Variants in KCNIP4 observed in about 807,000 individuals in gnomAD.
KCNIP4 encodes the protein Kv channel-interacting protein 4.
A neutral mutation model predicts 34.0 loss-of-function variants in KCNIP4; 12 were observed. The ratio of observed to expected loss-of-function variants is 0.35; its 90% confidence interval spans 0.23 to 0.57. KCNIP4 has a LOEUF of 0.57. Among genes scored for constraint, KCNIP4 ranks in the 20% least tolerant of loss-of-function variants. KCNIP4 has a pLI of 0.83. For synonymous variants in KCNIP4, 124 were observed against 102.2 expected (o/e 1.21, Z -1.29); for missense variants, 238 against 311.7 (o/e 0.76, Z 1.78).
rs150026278 is a variant in KCNIP4, at chr4:20,880,628, G to A, written c.163+1980C>T. On this transcript the variant is annotated intron_variant, in intron 2 of 8. Coordinates refer to ENST00000382152, the MANE Select transcript of KCNIP4 (RefSeq NM_025221.6). ...ACATGACAATTTTCTACTTCTCTAC[G>A]TGAATACAGAGATCCATTTGAAAGT... Among the ~76,000 whole-genome samples the A allele has an allele frequency of 1.3e-3, 204 of 152,178 alleles. 1 individual carries two copies. Among genetic ancestry groups the A allele is most frequent in the African/African-American group, 4.5e-3 (188 of 41,532 alleles).
chr4:21,016,529 T>A (rs1201723209), intron 1 of KCNIP4, among the ~76,000 whole-genome samples: 1 of 152,144 alleles, frequency 6.6e-6, no homozygotes, highest in African/African-American at 2.4e-5. Context: ...TCTCCTGACC[T>A]CGTGATCTGC....
intron 3 of KCNIP4, among the ~76,000 whole-genome samples, chr4:20,813,139 T>C (rs1166506365): frequency 6.6e-6 from 1 of 152,110 alleles, no homozygotes; most frequent in African/African-American, 2.4e-5. Flanking sequence ...GGTTGGGATG[T>C]GTGGAAAATA....
At position 21,190,029 on chromosome 4, in the gene KCNIP4, T is replaced by C. The variant is rs371789695; in HGVS notation, c.62-307320A>G. On this transcript the variant is annotated intron_variant, in intron 1 of 8. Coordinates refer to ENST00000382152, the MANE Select transcript of KCNIP4 (RefSeq NM_025221.6). ...TCTTTGTGAAGAAACAGGGTTTTTT[T>C]CAGAAATATGAGACTAGAGACCCAA... Among the ~76,000 whole-genome samples the C allele has an allele frequency of 4.6e-5, 7 of 152,196 alleles. No homozygotes were observed. The East Asian group carries it at 9.6e-4, about 21-fold the overall frequency.
chr4:21,720,521 G>GT (rs1167125424), intron 1 of KCNIP4, among the ~76,000 whole-genome samples: 1 of 111,032 alleles, frequency 9.0e-6, no homozygotes, highest in South Asian at 3.6e-4. Flanking sequence ...CCCCCATTCT[G>GT]TTTTTTTTCT....
chr4:21,590,969 A>G (rs534513684), intron 1 of KCNIP4, among the ~76,000 whole-genome samples: 1 of 152,174 alleles, frequency 6.6e-6, no homozygotes, highest in East Asian at 1.9e-4. Flanking sequence ...ATTAATACTT[A>G]GAAATGGGTA....
chr4:21,533,819 A>C (rs527486120), intron 1 of KCNIP4, among the ~76,000 whole-genome samples: 1 of 152,176 alleles, frequency 6.6e-6, no homozygotes, highest in Non-Finnish European at 1.5e-5. Flanking sequence ...GGAAGTTACA[A>C]GAAAGTAAAA....
At chr4:21,457,338 C>G (rs1729039691) in intron 1 of KCNIP4, among the ~76,000 whole-genome samples, 1 of 151,938 alleles carries the variant, frequency 6.6e-6, no homozygotes, top group Admixed American at 6.6e-5. Flanking sequence ...ACCTTCCTGC[C>G]AGGTTTAATG....
At chr4:20,838,540 T>G (rs10938808) in intron 3 of KCNIP4, among the ~76,000 whole-genome samples, 2 of 152,040 alleles carry the variant, frequency 1.3e-5, no homozygotes, top group Non-Finnish European at 2.9e-5. Flanking sequence ...TGACTAAGTT[T>G]GAGCCCTTAA....
At chr4:21,087,146 A>ATGTGTATGTGTGTGTGTG (rs1553935808) in intron 1 of KCNIP4, among the ~76,000 whole-genome samples, 2 of 110,924 alleles carry the variant, frequency 1.8e-5, no homozygotes, top group African/African-American at 7.5e-5. Flanking sequence ...CTGCTGGGTA[A>ATGTGTATGTGTGTGTGTG]TGTGTGTGTG....
chr4:21,411,510 C>T (rs567713659), intron 1 of KCNIP4, among the ~76,000 whole-genome samples: 90 of 152,244 alleles, frequency 5.9e-4, no homozygotes, highest in African/African-American at 2.1e-3. Flanking sequence ...TTCCTCAGTT[C>T]CTGTTAATAA....
intron 1 of KCNIP4, among the ~76,000 whole-genome samples, chr4:21,406,288 C>G (rs2109571642): frequency 6.6e-6 from 1 of 152,292 alleles, no homozygotes; most frequent in Admixed American, 6.5e-5. Flanking sequence ...AAATGTCAAA[C>G]TCTTTAAAAG....
At chr4:20,733,083 A>G (rs979569916) in intron 6 of KCNIP4, among the ~76,000 whole-genome samples, 1 of 152,182 alleles carries the variant, frequency 6.6e-6, no homozygotes, top group Non-Finnish European at 1.5e-5. Flanking sequence ...TTGGATTTCT[A>G]TAGACTTTAA....
chr4:20,778,666 TAA>T (rs2149388634), intron 3 of KCNIP4, among the ~76,000 whole-genome samples: 2 of 152,274 alleles, frequency 1.3e-5, no homozygotes, highest in African/African-American at 4.8e-5. Flanking sequence ...AAGTTTAATT[TAA>T]AAATATTGGT....
intron 1 of KCNIP4, among the ~76,000 whole-genome samples, chr4:21,621,267 C>T (rs1030478115): frequency 1.8e-4 from 28 of 152,334 alleles, no homozygotes; most frequent in African/African-American, 6.3e-4. Flanking sequence ...TAAATAAACA[C>T]TTAATGCTAT....
chr4:20,803,470 C>CAAAAAAAAAA (rs551176038), intron 3 of KCNIP4, among the ~76,000 whole-genome samples: 22 of 85,890 alleles, frequency 2.6e-4, no homozygotes, highest in African/African-American at 9.8e-4. Flanking sequence ...TCATCTTTAC[C>CAAAAAAAAAA]AAAAAAAAAA....
At chr4:21,589,510 T>C (rs529184085) in intron 1 of KCNIP4, among the ~76,000 whole-genome samples, 1 of 151,406 alleles carries the variant, frequency 6.6e-6, no homozygotes, top group Admixed American at 6.6e-5. Context: ...AGAAATAAAA[T>C]ATTAATGCAA....
At chr4:21,130,418 C>A (rs577368308) in intron 1 of KCNIP4, among the ~76,000 whole-genome samples, 20 of 152,266 alleles carry the variant, frequency 1.3e-4, no homozygotes, top group African/African-American at 4.3e-4. Context: ...CTTCAAAATG[C>A]AATTCAGAAG....
chr4:21,864,408 C>T (rs1377663050), intron 1 of KCNIP4, among the ~76,000 whole-genome samples: 1 of 152,136 alleles, frequency 6.6e-6, no homozygotes, highest in Non-Finnish European at 1.5e-5. Context: ...GTTTTTAGGA[C>T]CATTTCATTT....
At chr4:21,237,066 T>G (rs936211876) in intron 1 of KCNIP4, among the ~76,000 whole-genome samples, 1 of 151,414 alleles carries the variant, frequency 6.6e-6, no homozygotes, top group East Asian at 1.9e-4. Flanking sequence ...ATTACAGCCC[T>G]TTGTCCTTCA....
Sources: allele counts gnomAD v4.1 joint callset (sites outside exome capture counted in the v4.1 genomes callset), GRCh38; gene constraint gnomAD v4.1.1; transcripts MANE v1.5; gene names NCBI Gene and HGNC (gene_info 2026-07-23, HGNC 2026-07-21).